Variants in WDR90 observed in about 807,000 individuals in gnomAD.
The protein encoded by WDR90 is WD repeat-containing protein 90.
Under a neutral mutation model 195.2 loss-of-function variants are expected in WDR90, and 238 were observed. The ratio of observed to expected loss-of-function variants is 1.22; its 90% confidence interval spans 1.10 to 1.36. The LOEUF (loss-of-function observed/expected upper bound fraction) is 1.36. Among genes scored for constraint, WDR90 ranks in the 40% most tolerant of loss-of-function variants. The pLI, the probability that WDR90 is intolerant of heterozygous loss-of-function variation, is 0.00. For missense variants in WDR90, 2,734 were observed against 2,439.5 expected (o/e 1.12, Z -2.54); for synonymous variants, 1,265 against 1,052.4 (o/e 1.20, Z -3.91).
chr16:649,439 T>C lies in WDR90; in HGVS notation c.10+13T>C. On this transcript the variant is annotated intron_variant, in intron 1 of 40. Coordinates refer to ENST00000293879, the MANE Select transcript of WDR90 (RefSeq NM_145294.5). ...GCCATGGCCCGAGGTAGCGCGCGGC[T>C]GGCGGGGGTCCCGAGGATCCCGGGT... 1 of 1,299,426 alleles carries C rather than the reference T, an allele frequency of 7.7e-7. No homozygotes were observed. The highest frequency in any genetic ancestry group is 1.5e-5 in the African/African-American group (1 of 64,862). The allele number at this position is 1,299,426 out of a possible 1,614,324, so 80.5% of individuals were successfully genotyped here. A position where few individuals can be genotyped will look rare whatever the true frequency, so the allele number is the denominator to read the frequency against.
In WDR90 at chr16:656,841, T is replaced by C; in HGVS notation, c.2312T>C (p.Leu771Pro). Residue 771 changes from leucine to proline, a missense_variant, in exon 19 of 41, where the codon CTG (leucine) becomes CCG (proline). Transcript: ENST00000293879. Reference sequence around the variant, plus strand: ...AGTGGGGCCGTGCGCTCCTTCAGCCTGGAGGCCGCTGAGGTCCTGGTGGAA... The same window carrying C: ...AGTGGGGCCGTGCGCTCCTTCAGCCCGGAGGCCGCTGAGGTCCTGGTGGAA... Reference protein sequence around the residue: ...FSSGAVRSFSLEAAEVLVEHT... With the variant: ...FSSGAVRSFSPEAAEVLVEHT... 3.7e-6 allele frequency: 6 copies of C among 1,612,904 alleles called. No homozygotes were observed. The highest frequency in any genetic ancestry group is 4.2e-6 in the Non-Finnish European group (5 of 1,179,938).
chr16:658,753 G>A (rs1328474434), intron 23 of WDR90, 100 bp downstream of exon 23: 37 of 1,556,572 alleles, frequency 2.4e-5, no homozygotes, highest in Non-Finnish European at 3.2e-5. Context: ...AGAGCAGAAG[G>A]TGAGGGGTGA....
Position 657,910 on chromosome 16 carries a change from C to T in WDR90, c.2604+18C>T. 1.9e-6 allele frequency: 3 copies of T among 1,544,942 alleles called. No homozygotes were observed. In the South Asian group the frequency reaches 3.6e-5, roughly 18 times the overall value. ...TTGATGAGGTGAGTCCGCAGCCCTC[C>T]TGGGTCCAGGGAGACTGGGCCATGA... On this transcript the variant is annotated intron_variant, in intron 21 of 40. Coordinates refer to ENST00000293879, the MANE Select transcript of WDR90 (RefSeq NM_145294.5).
rs891539247 is a variant in WDR90 at position 650,457 on chromosome 16, C to T, written c.389-82C>T. ...GCTCCTCTGCGGCCTGGAGGACAAC[C>T]TGGCGGGGGCACAAGCTCACAGTTC... On this transcript the variant is annotated intron_variant, in intron 4 of 40. Coordinates refer to ENST00000293879, the MANE Select transcript of WDR90 (RefSeq NM_145294.5). 1.9e-6 allele frequency: 3 copies of T among 1,588,382 alleles called. No individual in the cohort carries two copies. The African/African-American group carries it at 4.0e-5, about 21-fold the overall frequency.
intron 14 of WDR90, 36 bp downstream of exon 14, chr16:655,183 G>T (rs781553672): frequency 6.1e-5 from 98 of 1,612,386 alleles, no homozygotes; most frequent in Non-Finnish European, 8.1e-5. Context: ...TTGGGAGAGG[G>T]TCTGGGCCCG....
At position 649,805 on chromosome 16, in the gene WDR90, T is replaced by C. The variant is rs1244237477; in HGVS notation, c.53T>C (p.Val18Ala). 14 of 1,579,438 alleles carry C rather than the reference T, an allele frequency of 8.9e-6. No homozygotes were observed. The Admixed American group carries it at 2.4e-4, about 27-fold the overall frequency. Residue 18 changes from valine to alanine, a missense_variant, in exon 2 of 41, where the codon GTG (valine) becomes GCG (alanine). Coordinates refer to ENST00000293879, the MANE Select transcript of WDR90 (RefSeq NM_145294.5). ...CTCAACGTCTTCAGACACTTCCGGGTGGACGAGTGGAAGCGCTCCGCCAAG... is the reference window on the plus strand; with the variant it reads ...CTCAACGTCTTCAGACACTTCCGGGCGGACGAGTGGAAGCGCTCCGCCAAG... Reference protein sequence around the residue: ...PFLNVFRHFRVDEWKRSAKQG... With the variant: ...PFLNVFRHFRADEWKRSAKQG...
chr16:657,570 G>A (rs548761098), intron 20 of WDR90, among the ~76,000 whole-genome samples, 192 bp from the exon 21 acceptor site: 17 of 152,340 alleles, frequency 1.1e-4, no homozygotes, highest in Admixed American at 5.2e-4. Flanking sequence ...GCTGGCCCAC[G>A]GGGACTCCCA....
Position 657,387 on chromosome 16 carries a change from T to C in WDR90, c.2473+166T>C. 3.5e-6 allele frequency: 4 copies of C among 1,139,834 alleles called. 1 individual carries two copies. The South Asian group carries it at 6.6e-5, about 19-fold the overall frequency. The allele number at this position is 1,139,834 out of a possible 1,614,324, so 70.6% of individuals were successfully genotyped here. A position where few individuals can be genotyped will look rare whatever the true frequency, so the allele number is the denominator to read the frequency against. On this transcript the variant is annotated intron_variant, in intron 20 of 40. Transcript: ENST00000293879. ...CCTTGTCAAGGCCCTGAGGAGACTG[T>C]GGTTTAGCGTTCACTGGACCCCAAG... is the stretch of plus-strand genomic sequence containing the variant.
chr16:666,621 T>C lies in WDR90; in HGVS notation c.4884+23T>C, dbSNP rs547807627. Reference sequence around the variant, plus strand: ...GAGGTAAACCATGCTCCTGGCACTGTGGGTGGGGCCGGTACCCATCCACCC... The same window carrying C: ...GAGGTAAACCATGCTCCTGGCACTGCGGGTGGGGCCGGTACCCATCCACCC... On this transcript the variant is annotated intron_variant, in intron 38 of 40. Transcript: ENST00000293879. The C allele has an allele frequency of 3.0e-5, 48 of 1,611,732 alleles. No individual in the cohort carries two copies. The East Asian group carries it at 1.1e-3, about 36-fold the overall frequency.
chr16:661,890 G>A lies in WDR90; in HGVS notation c.3865-1G>A, dbSNP rs781451674. 1 of 1,606,890 alleles carries A rather than the reference G, an allele frequency of 6.2e-7. No homozygotes were observed. The highest frequency in any genetic ancestry group is 2.2e-5 in the East Asian group (1 of 44,706). On this transcript the variant is annotated splice_acceptor_variant, in intron 31 of 40. Transcript: ENST00000293879. LOFTEE classifies it high-confidence loss of function. ...CCATGGCCACTCTCATACTTTGCCA[G>A]GTGCGTCGAGAGCCAGTCCCAGAGG...
At chr16:651,402 G>C in intron 7 of WDR90, 136 bp downstream of exon 7, 1 of 1,176,270 alleles carries the variant, frequency 8.5e-7, no homozygotes, top group Admixed American at 2.2e-5. Flanking sequence ...GAAGCCCGTA[G>C]GTTGTCCGAG....
intron 13 of WDR90, 30 bp from the exon 14 acceptor site, chr16:654,999 C>T (rs1450978563): frequency 6.2e-7 from 1 of 1,603,132 alleles, no homozygotes; most frequent in Non-Finnish European, 8.5e-7. Flanking sequence ...ACTGGCCCTG[C>T]CGTGCGGGCT....
At chr16:655,928 C>A (rs1304464583) in intron 17 of WDR90, 39 bp downstream of exon 17, 1 of 1,550,654 alleles carries the variant, frequency 6.4e-7, no homozygotes, top group African/African-American at 1.4e-5. Flanking sequence ...CCGGGAGAGC[C>A]TCGCCTGGAT....
In WDR90 at chr16:652,028, G is replaced by A. The variant is rs778772122; in HGVS notation, c.1042G>A (p.Gly348Ser). ...GGCTGAGGTGCCCGTGGCCCGCACC[G>A]GCTCCTGCGAAGTGAGTGCCCATCC... ...ESAEVPVART[G>S]SCEGFLPDPV... The change falls in exon 9 of 41, where the codon GGC becomes AGC. Residue 348 changes from glycine (G) to serine (S), a missense_variant. Physicochemically the swap from Gly to Ser is moderately conservative, Grantham distance 56. Coordinates refer to ENST00000293879, the MANE Select transcript of WDR90 (RefSeq NM_145294.5). 48 of 1,594,610 alleles carry A rather than the reference G, an allele frequency of 3.0e-5. No homozygotes were observed. Among genetic ancestry groups the A allele is most frequent in the African/African-American group, 1.7e-4 (13 of 74,640 alleles).
Position 656,788 on chromosome 16 carries a change from A to C in WDR90, c.2259A>C (p.Thr753=). 6.2e-7 allele frequency: 1 copy of C among 1,613,186 alleles called. No individual in the cohort carries two copies. Among genetic ancestry groups the C allele is most frequent in the Non-Finnish European group, 8.5e-7 (1 of 1,179,968 alleles). ...DAPCAVTFHP[T]RPTFFCGFSS... is the part of the protein sequence containing the mutation. ...CGTGCGCTGTCACCTTCCACCCCAC[A>C]AGGCCAACCTTTTTCTGTGGCTTTA... The change falls in exon 19 of 41, where the codon ACA becomes ACC. Residue 753 remains threonine (T), a synonymous_variant. Coordinates refer to ENST00000293879, the MANE Select transcript of WDR90 (RefSeq NM_145294.5).
At position 661,429 on chromosome 16, in the gene WDR90, C is replaced by G. The variant is rs199527716; in HGVS notation, c.3601C>G (p.Leu1201Val). 7.8e-5 allele frequency: 125 copies of G among 1,612,406 alleles called. No individual in the cohort carries two copies. Among genetic ancestry groups the G allele is most frequent in the Non-Finnish European group, 1.0e-4 (122 of 1,179,906 alleles). Residue 1201 changes from leucine to valine, a missense_variant, in exon 30 of 41, where the codon CTC (leucine) becomes GTC (valine). Transcript: ENST00000293879. ...CGTGTCTGGCGGCCTCTGCCAGCAT[C>G]TCATTTTCCCCCATAGCACCACCGT... ...WDVSGGLCQH[L>V]IFPHSTTVLA...
chr16:649,611 G>A, intron 1 of WDR90, 152 bp from the exon 2 acceptor site: 2 of 1,132,600 alleles, frequency 1.8e-6, no homozygotes, highest in Non-Finnish European at 2.3e-6. Flanking sequence ...CGGGCGCCCG[G>A]CCTCGTCCCG....
Position 650,727 on chromosome 16 carries a change from A to C in WDR90, c.559+18A>C. On this transcript the variant is annotated intron_variant, in intron 5 of 40. Transcript: ENST00000293879. ...TGAGCCTGGTGAGGGCCGCACCTGCACTCCCCACTCCATATCTCACCCATG... is the reference window on the plus strand; with the variant it reads ...TGAGCCTGGTGAGGGCCGCACCTGCCCTCCCCACTCCATATCTCACCCATG... 1 of 1,597,136 alleles carries C rather than the reference A, an allele frequency of 6.3e-7. No individual in the cohort carries two copies. Among genetic ancestry groups the C allele is most frequent in the Non-Finnish European group, 8.6e-7 (1 of 1,167,508 alleles).
In WDR90 at chr16:653,733, T is replaced by G; in HGVS notation, c.1380-13T>G. ...AGCCCAGGCGACAATGACCACCTCC[T>G]CCCTGTTCACAGCTTCTCTGACAGC... On this transcript the variant is annotated splice_polypyrimidine_tract_variant and intron_variant, in intron 12 of 40. Transcript: ENST00000293879. 1.2e-6 allele frequency: 2 copies of G among 1,613,344 alleles called. No individual in the cohort carries two copies. The highest frequency in any genetic ancestry group is 1.7e-6 in the Non-Finnish European group (2 of 1,180,002).
Sources: gnomAD v4.1 joint callset for allele counts (sites outside exome capture counted in the v4.1 genomes callset) on GRCh38, gnomAD v4.1.1 for gene constraint, MANE v1.5 for transcripts, NCBI Gene and HGNC (gene_info 2026-07-23, HGNC 2026-07-21) for gene names.